Variants in NLRC5 observed in about 807,000 individuals in gnomAD.
The protein encoded by NLRC5 is NLR family CARD domain containing 5.
A neutral mutation model predicts 206.9 loss-of-function variants in NLRC5; 114 were observed. The observed-to-expected ratio is 0.55, with a 90% CI of 0.47 to 0.64. The LOEUF is 0.64. Among genes scored for constraint, NLRC5 ranks in the 30% least tolerant of loss-of-function variants. The pLI, the probability that NLRC5 is intolerant of heterozygous loss-of-function variation, is 0.00. For synonymous variants in NLRC5, 952 were observed against 962.8 expected, an observed-to-expected ratio of 0.99 and a Z score of 0.21; for missense variants, 2,008 against 2,305.5, an observed-to-expected ratio of 0.87 and a Z score of 2.64.
At chr16:57,072,088 G>A (rs372124831) in intron 38 of NLRC5, among the ~76,000 whole-genome samples, 24 of 152,148 alleles carry the variant, frequency 1.6e-4, no homozygotes, top group South Asian at 4.2e-4. Flanking sequence ...GGAAAATTAC[G>A]AGGCCAATGA....
Position 57,065,217 on chromosome 16 carries a change from A to C in NLRC5, c.4160A>C (p.Gln1387Pro), listed in dbSNP as rs755358762. 1.9e-6 allele frequency: 3 copies of C among 1,554,666 alleles called. No individual in the cohort carries two copies. The East Asian group carries it at 7.3e-5, about 38-fold the overall frequency. The stretch of plus-strand genomic sequence containing the variant: ...TGTGTCCCCTTCTGTGACAGGGTGC[A>C]GGAGCCGTGGGCGGACAGAGCCAGG... ...RPAGLFSLRV[Q>P]EPWADRARVL... is the part of the protein sequence containing the mutation. Residue 1387 changes from glutamine (Q) to proline (P), a missense_variant, in exon 33 of 49, where the codon CAG becomes CCG. By Grantham distance (76) the Gln-to-Pro change is moderately conservative. Transcript: ENST00000688547.
At chr16:57,049,156 A>C (rs1434623155) in intron 23 of NLRC5, among the ~76,000 whole-genome samples, 2 of 152,218 alleles carry the variant, frequency 1.3e-5, no homozygotes, top group Admixed American at 6.5e-5. Flanking sequence ...TGTTTTAAGA[A>C]AGTTTACGAA....
chr16:57,000,482 TG>T (rs1317290593), intron 1 of NLRC5, among the ~76,000 whole-genome samples: 2 of 152,004 alleles, frequency 1.3e-5, no homozygotes, highest in Non-Finnish European at 2.9e-5. Context: ...GGCCTGAGGC[TG>T]GGAGTGCAGG....
chr16:57,000,886 A>G (rs1380906309), intron 1 of NLRC5, among the ~76,000 whole-genome samples: 3 of 152,168 alleles, frequency 2.0e-5, no homozygotes, highest in African/African-American at 7.2e-5. Context: ...GAAAGAGACC[A>G]GTGGCCCAGC....
In NLRC5 at chr16:57,068,016, G is replaced by A. The variant is rs535697700; in HGVS notation, c.4499+188G>A. ...GTAAACATGACCTTAGGAACATTGA[G>A]CCACATGGCAAGAAAGTTGTTCCCT... On this transcript the variant is annotated intron_variant, in intron 36 of 48. Coordinates refer to ENST00000688547, the MANE Select transcript of NLRC5 (RefSeq NM_001384950.1). Among the ~76,000 whole-genome samples the A allele has an allele frequency of 3.0e-4, 46 of 152,250 alleles. 1 individual carries two copies. Among genetic ancestry groups the A allele is most frequent in the African/African-American group, 1.1e-3 (44 of 41,542 alleles).
At chr16:57,022,419 A>G in intron 4 of NLRC5, 104 bp downstream of exon 4, 1 of 992,712 alleles carries the variant, frequency 1.0e-6, no homozygotes, top group Admixed American at 2.0e-5. Flanking sequence ...GGTCACAGCC[A>G]TTTCTCATAG....
chr16:57,044,055 T>G (rs1410479997), intron 20 of NLRC5, among the ~76,000 whole-genome samples: 1 of 151,782 alleles, frequency 6.6e-6, no homozygotes, highest in Non-Finnish European at 1.5e-5. Flanking sequence ...TCCCAGCATT[T>G]TGGGAGGCCA....
chr16:57,026,378 G>T lies in NLRC5; in HGVS notation c.1435G>T (p.Asp479Tyr), dbSNP rs763777727. The T allele has an allele frequency of 2.5e-6, 4 of 1,613,906 alleles. No individual in the cohort carries two copies. In the African/African-American group the frequency reaches 5.3e-5, roughly 22 times the overall value. ...AGGGAAGGTTATCTTCTATGCAAAA[G>T]ATATTGCTCCACCCTTGATAGCTTT... is the stretch of plus-strand genomic sequence containing the variant. The part of the protein sequence containing the change: ...ETGKVIFYAK[D>Y]IAPPLIAFGA... The change falls in exon 6 of 49, where the codon GAT becomes TAT. Residue 479 changes from aspartate to tyrosine, a missense_variant. Physicochemically the swap from Asp to Tyr is radical, Grantham distance 160 (BLOSUM62 -3). Transcript: ENST00000688547.
intron 5 of NLRC5, 70 bp downstream of exon 5, chr16:57,023,923 G>C (rs1379797394): frequency 1.4e-6 from 2 of 1,416,072 alleles, no homozygotes; most frequent in African/African-American, 2.8e-5. Context: ...CCCGGACCCT[G>C]GACCTTGTCC....
At chr16:57,052,028 C>T (rs972384013) in intron 24 of NLRC5, among the ~76,000 whole-genome samples, 4 of 152,280 alleles carry the variant, frequency 2.6e-5, no homozygotes, top group South Asian at 2.1e-4. Context: ...GTCACCCACT[C>T]GTAGAAAGGG....
chr16:57,070,698 G>A, intron 38 of NLRC5, 80 bp downstream of exon 38: 1 of 1,250,952 alleles, frequency 8.0e-7, no homozygotes, highest in Admixed American at 1.7e-5. Context: ...TGGTGGGGTT[G>A]GTTAATGGAT....
rs1442279647 is a variant in NLRC5, at chr16:57,047,719, T to C, written c.3422+91T>C. On this transcript the variant is annotated intron_variant, in intron 23 of 48. Transcript: ENST00000688547. ...GCTTCTTGGTTAGAAGACAGGTGAG[T>C]CTTTCTCGATTTCTTCCCACCAGCC... 5 of 1,092,848 alleles carry C rather than the reference T, an allele frequency of 4.6e-6. No homozygotes were observed. In the African/African-American group the frequency reaches 7.8e-5, roughly 17 times the overall value. The allele number at this position is 1,092,848 out of a possible 1,614,324, so 67.7% of individuals were successfully genotyped here.
chr16:57,078,029 C>T lies in NLRC5; in HGVS notation c.5081+9C>T, dbSNP rs770994821. On this transcript the variant is annotated intron_variant, in intron 43 of 48. Transcript: ENST00000688547. The stretch of plus-strand genomic sequence containing the variant: ...CACCTGAGGGTCCTACAGTGAGTGG[C>T]CCCCTGCCCATACCATGCAGGGCTG... The T allele has an allele frequency of 3.2e-6, 5 of 1,581,764 alleles. No individual in the cohort carries two copies. The highest frequency in any genetic ancestry group is 4.5e-5 in the East Asian group (2 of 44,234).
At chr16:57,046,693 T>C (rs538545254) in intron 22 of NLRC5, 52 bp downstream of exon 22, 2 of 1,467,134 alleles carry the variant, frequency 1.4e-6, no homozygotes, top group Middle Eastern at 1.7e-4. Context: ...GGATGAGGCG[T>C]CAGAGGGGGC....
chr16:57,034,191 T>G lies in NLRC5; in HGVS notation c.2567T>G (p.Val856Gly). Residue 856 changes from valine (V) to glycine (G), a missense_variant, in exon 13 of 49, where the codon GTC becomes GGC. Coordinates refer to ENST00000688547, the MANE Select transcript of NLRC5 (RefSeq NM_001384950.1). ...TLRLQKCQLQ[V>G]HDAEALIALL... Reference sequence around the variant, plus strand: ...AGGCTGCAGAAGTGTCAGCTCCAGGTCCACGATGCGGAGGCCCTCATAGCC... The same window carrying G: ...AGGCTGCAGAAGTGTCAGCTCCAGGGCCACGATGCGGAGGCCCTCATAGCC... 1 of 1,614,068 alleles carries G rather than the reference T, an allele frequency of 6.2e-7. No individual in the cohort carries two copies. Among genetic ancestry groups the G allele is most frequent in the Non-Finnish European group, 8.5e-7 (1 of 1,179,990 alleles).
intron 1 of NLRC5, among the ~76,000 whole-genome samples, chr16:56,995,692 T>C (rs531053714): frequency 1.3e-5 from 2 of 152,326 alleles, no homozygotes; most frequent in South Asian, 4.1e-4. Context: ...GGAGCATGCA[T>C]GCCTTGGGAA....
At chr16:57,064,216 T>TA (rs2066849084) in intron 32 of NLRC5, among the ~76,000 whole-genome samples, 1 of 151,566 alleles carries the variant, frequency 6.6e-6, no homozygotes, top group African/African-American at 2.4e-5. Flanking sequence ...AAAATAAAAA[T>TA]AAAAAAATAA....
chr16:57,024,139 G>C lies in NLRC5; in HGVS notation c.424+286G>C, dbSNP rs150402603. ...TACAGGTCTCAGCTTCGCTGTCCAG[G>C]CTTTTCCAGGGACACCCTATGTCCT... is the stretch of plus-strand genomic sequence containing the variant. On this transcript the variant is annotated intron_variant, in intron 5 of 48. Transcript: ENST00000688547. 3.5e-3 allele frequency among the ~76,000 whole-genome samples: 540 copies of C among 152,334 alleles called. 5 individuals carry two copies. Among genetic ancestry groups the C allele is most frequent in the African/African-American group, 0.012 (504 of 41,586 alleles).
intron 2 of NLRC5, among the ~76,000 whole-genome samples, chr16:57,017,536 A>G (rs965538546): frequency 6.6e-6 from 1 of 152,216 alleles, no homozygotes; most frequent in Non-Finnish European, 1.5e-5. Context: ...ACTCATGGCA[A>G]CAAAAGTTTA....
Sources: allele counts gnomAD v4.1 joint callset (sites outside exome capture counted in the v4.1 genomes callset), GRCh38; gene constraint gnomAD v4.1.1; transcripts MANE v1.5; gene names NCBI Gene and HGNC (gene_info 2026-07-23, HGNC 2026-07-21).